Variants in IFT81 observed in about 807,000 individuals in gnomAD.
IFT81 encodes intraflagellar transport protein 81 homolog.
Under a neutral mutation model 102.6 loss-of-function variants are expected in IFT81, and 72 were observed. The observed-to-expected ratio is 0.70, with a 90% CI of 0.58 to 0.85. IFT81 has a LOEUF of 0.85. Ranked by LOEUF, IFT81 falls within the 40% of genes least tolerant of loss-of-function variation. IFT81 has a pLI of 0.00. For missense variants in IFT81, 723 were observed against 787.3 expected, an observed-to-expected ratio of 0.92 and a Z score of 0.98; for synonymous variants, 237 against 242.7, an observed-to-expected ratio of 0.98 and a Z score of 0.22.
At chr12:110,149,370 C>T (rs1895392993) in intron 10 of IFT81, among the ~76,000 whole-genome samples, 2 of 152,196 alleles carry the variant, frequency 1.3e-5, no homozygotes, top group Non-Finnish European at 2.9e-5. Context: ...TCTGTCCCCA[C>T]AGCAGTGTCT....
intron 11 of IFT81, chr12:110,167,877 G>T (rs1896524703): frequency 7.9e-6 from 2 of 254,140 alleles, no homozygotes; most frequent in Non-Finnish European, 1.5e-5. Context: ...CCAGAGACAG[G>T]ATCTCACTCT....
intron 8 of IFT81, among the ~76,000 whole-genome samples, chr12:110,137,296 C>T (rs921454490): frequency 6.6e-6 from 1 of 152,120 alleles, no homozygotes; most frequent in Non-Finnish European, 1.5e-5. Context: ...GCCGAGACCG[C>T]GCCACTGCAG....
intron 12 of IFT81, among the ~76,000 whole-genome samples, chr12:110,188,351 A>C (rs915414762): frequency 6.6e-6 from 1 of 151,630 alleles, no homozygotes; most frequent in Non-Finnish European, 1.5e-5. Flanking sequence ...AAATTAAAAA[A>C]AAAAATAACC....
chr12:110,176,275 C>G (rs1366899059), intron 11 of IFT81, among the ~76,000 whole-genome samples: 1 of 152,176 alleles, frequency 6.6e-6, no homozygotes, highest in Non-Finnish European at 1.5e-5. Flanking sequence ...GTATCTTTGA[C>G]CTCCGGACCC....
At chr12:110,159,891 A>G (rs1020137922) in intron 10 of IFT81, among the ~76,000 whole-genome samples, 3 of 152,228 alleles carry the variant, frequency 2.0e-5, no homozygotes, top group Admixed American at 1.3e-4. Context: ...GATTGAAATT[A>G]GCCTCACTTT....
At chr12:110,155,230 ATCCTT>A (rs1202601554) in intron 10 of IFT81, among the ~76,000 whole-genome samples, 1 of 152,020 alleles carries the variant, frequency 6.6e-6, no homozygotes, top group Non-Finnish European at 1.5e-5. Flanking sequence ...ATCTTTTTCT[ATCCTT>A]TCACTTTCAG....
rs1898434998 is a variant in IFT81, at chr12:110,203,915, G to A, written c.1609G>A (p.Ala537Thr). ...GAAATCCCAGTATGATAGCTGTGCA[G>A]CAGGCCTCGAAAGCAATCGGTCCAA... ...EKKSQYDSCA[A>T]GLESNRSKLE... is the part of the protein sequence containing the mutation. Residue 537 changes from alanine (A) to threonine (T), a missense_variant, in exon 15 of 19, where the codon GCA (alanine) becomes ACA (threonine). Transcript: ENST00000242591. The A allele has an allele frequency of 1.2e-6, 2 of 1,613,594 alleles. No individual in the cohort carries two copies. Among genetic ancestry groups the A allele is most frequent in the Non-Finnish European group, 1.7e-6 (2 of 1,179,670 alleles).
intron 8 of IFT81, among the ~76,000 whole-genome samples, chr12:110,142,686 T>TAAA (rs1894968383): frequency 6.6e-6 from 1 of 151,588 alleles, no homozygotes; most frequent in African/African-American, 2.4e-5. Flanking sequence ...GCCCAGGAGT[T>TAAA]AGAGACCAGC....
intron 11 of IFT81, among the ~76,000 whole-genome samples, chr12:110,178,579 A>G (rs1038466459): frequency 1.3e-5 from 2 of 149,082 alleles, no homozygotes; most frequent in Admixed American, 1.3e-4. Flanking sequence ...TATCCCCCAA[A>G]ATTAGCTTTA....
chr12:110,187,620 G>C (rs1031058400), intron 12 of IFT81, among the ~76,000 whole-genome samples: 4 of 151,898 alleles, frequency 2.6e-5, no homozygotes, highest in African/African-American at 9.7e-5. Flanking sequence ...TGCTTACTTG[G>C]TAATTTTTTA....
chr12:110,127,538 CT>C lies in IFT81; in HGVS notation c.144+17del. The C allele has an allele frequency of 6.3e-7, 1 of 1,576,794 alleles. No individual in the cohort carries two copies. The highest frequency in any genetic ancestry group is 8.6e-7 in the Non-Finnish European group (1 of 1,167,340). ...ATTGACCCAAAGGTAAGAGTTTTCT[CT>C]TTCTTTTTGATGGGTAGCAGAAAGC... On this transcript the variant is annotated intron_variant, in intron 2 of 18. Transcript: ENST00000242591.
At chr12:110,143,018 T>C (rs1274967761) in intron 8 of IFT81, among the ~76,000 whole-genome samples, 1 of 152,188 alleles carries the variant, frequency 6.6e-6, no homozygotes, top group Non-Finnish European at 1.5e-5. Flanking sequence ...TGTGTTATCA[T>C]TTGGTTCATG....
chr12:110,204,120 A>ACT, intron 15 of IFT81, 170 bp downstream of exon 15: 1 of 523,644 alleles, frequency 1.9e-6, no homozygotes, highest in South Asian at 2.7e-5. Flanking sequence ...ACAGAGCAAG[A>ACT]CTCTCTCTCT....
intron 12 of IFT81, among the ~76,000 whole-genome samples, chr12:110,188,193 A>G (rs769017710): frequency 2.0e-5 from 3 of 151,854 alleles, no homozygotes; most frequent in Non-Finnish European, 4.4e-5. Context: ...GTCGCTGGGC[A>G]TGGTGGTGGG....
In IFT81 at chr12:110,128,049, C is replaced by G. The variant is rs1293210696; in HGVS notation, c.148C>G (p.Leu50Val). The G allele has an allele frequency of 6.2e-7, 1 of 1,605,916 alleles. No individual in the cohort carries two copies. The highest frequency in any genetic ancestry group is 8.5e-7 in the Non-Finnish European group (1 of 1,173,028). Reference sequence around the variant, plus strand: ...TTTTTTTCAATTTCTTTGTTAGCAACTTGTGGATATCAGAGAGGAGATGCC... The same window carrying G: ...TTTTTTTCAATTTCTTTGTTAGCAAGTTGTGGATATCAGAGAGGAGATGCC... Reference protein sequence around the residue: ...DVLAEIDPKQLVDIREEMPEQ... With the variant: ...DVLAEIDPKQVVDIREEMPEQ... Residue 50 changes from leucine (L) to valine (V), a missense_variant, in exon 3 of 19, where the codon CTT becomes GTT. Coordinates refer to ENST00000242591, the MANE Select transcript of IFT81 (RefSeq NM_014055.4).
intron 14 of IFT81, among the ~76,000 whole-genome samples, chr12:110,197,509 G>GT (rs1196228720): frequency 5.6e-5 from 5 of 89,886 alleles, no homozygotes; most frequent in Non-Finnish European, 9.5e-5. Context: ...CCTTTTTTCT[G>GT]TTTTTTTATC....
rs375222962 is a variant in IFT81 at position 110,136,757 on chromosome 12, A to G, written c.697-19A>G. ...CTTCAGTAGACTAAGCAAGTAATCT[A>G]TTTAATTGTATTTTAAAGCTATTTC... On this transcript the variant is annotated intron_variant, in intron 7 of 18. Transcript: ENST00000242591. 18 of 1,530,240 alleles carry G rather than the reference A, an allele frequency of 1.2e-5. No individual in the cohort carries two copies. The African/African-American group carries it at 1.9e-4, about 16-fold the overall frequency. The allele number at this position is 1,530,240 out of a possible 1,614,324, so 94.8% of individuals were successfully genotyped here.
In IFT81 at chr12:110,202,166, G is replaced by A. The variant is rs138038224; in HGVS notation, c.1558-1698G>A. Among the ~76,000 whole-genome samples the A allele has an allele frequency of 4.5e-4, 68 of 152,212 alleles. No homozygotes were observed. The East Asian group carries it at 0.012, about 27-fold the overall frequency. ...CACATGAGTAATTTGTTGCACTATGGCATTATGATGCCTATGATATCACTA... is the reference window on the plus strand; with the variant it reads ...CACATGAGTAATTTGTTGCACTATGACATTATGATGCCTATGATATCACTA... On this transcript the variant is annotated intron_variant, in intron 14 of 18. Coordinates refer to ENST00000242591, the MANE Select transcript of IFT81 (RefSeq NM_014055.4).
intron 11 of IFT81, among the ~76,000 whole-genome samples, chr12:110,172,329 T>TCCTCTG (rs1555264920): frequency 7.3e-5 from 11 of 151,080 alleles, no homozygotes; most frequent in South Asian, 4.2e-4. Context: ...CTCCTCTGCC[T>TCCTCTG]CCTCTGCCTC....
Sources: gnomAD v4.1 joint callset for allele counts (sites outside exome capture counted in the v4.1 genomes callset) on GRCh38, gnomAD v4.1.1 for gene constraint, MANE v1.5 for transcripts, NCBI Gene and HGNC (gene_info 2026-07-23, HGNC 2026-07-21) for gene names.